The following KIRREL3 variants were observed in gnomAD, a reference collection of about 807,000 sequenced individuals.
KIRREL3 encodes kin of IRRE-like protein 3.
Under a neutral mutation model 89.7 loss-of-function variants are expected in KIRREL3, and 36 were observed. That is an observed-to-expected ratio of 0.40 (90% CI 0.31 to 0.53). KIRREL3 has a LOEUF of 0.53. Ranked by LOEUF, KIRREL3 falls within the 20% of genes least tolerant of loss-of-function variation. KIRREL3 has a pLI of 0.49. For missense variants in KIRREL3, 864 were observed against 1,056.6 expected, an observed-to-expected ratio of 0.82 and a Z score of 2.53; for synonymous variants, 445 against 441.4, an observed-to-expected ratio of 1.01 and a Z score of -0.10.
At chr11:126,654,356 T>TC (rs1555169724) in intron 1 of KIRREL3, among the ~76,000 whole-genome samples, 109 of 142,086 alleles carry the variant, frequency 7.7e-4, no homozygotes, top group African/African-American at 2.0e-3. Flanking sequence ...TTTTTTTTTT[T>TC]CACAGCATAT....
chr11:126,852,222 G>A (rs1944367143), intron 1 of KIRREL3, among the ~76,000 whole-genome samples: 1 of 151,800 alleles, frequency 6.6e-6, no homozygotes, highest in South Asian at 2.1e-4. Flanking sequence ...CCCAGCTAAT[G>A]TTTGTATTTT....
rs1221331307 is a variant in KIRREL3 at position 126,476,484 on chromosome 11, G to A, written c.434-3018C>T. Among the ~76,000 whole-genome samples the A allele has an allele frequency of 6.6e-6, 1 of 152,250 alleles. No individual in the cohort carries two copies. Among genetic ancestry groups the A allele is most frequent in the East Asian group, 1.9e-4 (1 of 5,198 alleles). On this transcript the variant is annotated intron_variant, in intron 4 of 16. Transcript: ENST00000525144. This position sits in a 1 kb window ranked among gnomAD's most constrained non-coding sequence, Gnocchi z 6.4. ...ATTAGAGGCAGCGAGGACGAGGGAG[G>A]AGGGAGTGGGGCGTGTTGTGGGAGT...
chr11:126,445,232 A>C, intron 9 of KIRREL3, 127 bp from the exon 10 acceptor site: 5 of 1,268,208 alleles, frequency 3.9e-6, no homozygotes, highest in Non-Finnish European at 5.4e-6. Flanking sequence ...AGTAGGAAGC[A>C]AGGTGGGGAG....
intron 10 of KIRREL3, among the ~76,000 whole-genome samples, chr11:126,444,379 T>A (rs1955706917): frequency 6.6e-6 from 1 of 152,164 alleles, no homozygotes; most frequent in African/African-American, 2.4e-5. Flanking sequence ...ACGCCTATAA[T>A]CCCAGCACTT....
At chr11:126,439,853 C>A (rs570061806) in intron 11 of KIRREL3, among the ~76,000 whole-genome samples, 6,999 of 151,446 alleles carry the variant, frequency 0.046, 273 homozygotes, top group East Asian at 0.23. Context: ...CCAAAAAACA[C>A]ACAAACAAAA....
At position 126,904,193 on chromosome 11, in the gene KIRREL3, G is replaced by A. The variant is rs904855496; in HGVS notation, c.55+96262C>T. Reference sequence around the variant, plus strand: ...AGCCTCTTTTTAACACACAGGTAAAGTTTTCAGGACTATTTTTATCATTTG... The same window carrying A: ...AGCCTCTTTTTAACACACAGGTAAAATTTTCAGGACTATTTTTATCATTTG... On this transcript the variant is annotated intron_variant, in intron 1 of 16. Transcript: ENST00000525144. The surrounding 1 kb of genome is among the most constrained non-coding windows in gnomAD (Gnocchi z 4.4). Among the ~76,000 whole-genome samples the A allele has an allele frequency of 6.6e-6, 1 of 152,176 alleles. No homozygotes were observed. The highest frequency in any genetic ancestry group is 2.1e-4 in the South Asian group (1 of 4,836).
chr11:126,870,641 G>A lies in KIRREL3; in HGVS notation c.55+129814C>T, dbSNP rs148945474. ...ACAGACAGAAGCTCCCTCCAACCTCGTTTCCAATTCCACTCATGGCCGCCA... is the reference window on the plus strand; with the variant it reads ...ACAGACAGAAGCTCCCTCCAACCTCATTTCCAATTCCACTCATGGCCGCCA... On this transcript the variant is annotated intron_variant, in intron 1 of 16. Transcript: ENST00000525144. This position sits in a 1 kb window ranked among gnomAD's most constrained non-coding sequence, Gnocchi z 4.4. Among the ~76,000 whole-genome samples the A allele has an allele frequency of 3.9e-5, 6 of 152,276 alleles. No individual in the cohort carries two copies. Among genetic ancestry groups the A allele is most frequent in the East Asian group, 3.9e-4 (2 of 5,172 alleles).
rs138885256 is a variant in KIRREL3, at chr11:126,430,899, C to T, written c.1696+520G>A. Reference sequence around the variant, plus strand: ...CGGTGCACGCAATTCTTCAAGCGTGCACAAACACTAGAATTTTATTGGTAA... The same window carrying T: ...CGGTGCACGCAATTCTTCAAGCGTGTACAAACACTAGAATTTTATTGGTAA... On this transcript the variant is annotated intron_variant, in intron 14 of 16. Transcript: ENST00000525144. This position sits in a 1 kb window ranked among gnomAD's most constrained non-coding sequence, Gnocchi z 6.6. The T allele has an allele frequency of 1.2e-4, 107 of 882,132 alleles. 1 individual carries two copies. Among genetic ancestry groups the T allele is most frequent in the Middle Eastern group, 1.1e-3 (2 of 1,760 alleles). 54.6% of individuals were successfully genotyped at this position (882,132 alleles called of 1,614,324 possible). A position where few individuals can be genotyped will look rare whatever the true frequency, so the allele number is the denominator to read the frequency against.
At chr11:126,721,043 C>T (rs1948152109) in intron 1 of KIRREL3, among the ~76,000 whole-genome samples, 2 of 152,132 alleles carry the variant, frequency 1.3e-5, no homozygotes, top group Non-Finnish European at 2.9e-5. Context: ...GGGAGGGAGC[C>T]CTGAAATGAG....
intron 1 of KIRREL3, among the ~76,000 whole-genome samples, chr11:126,781,475 T>A (rs1483308534): frequency 1.3e-5 from 2 of 152,248 alleles, no homozygotes; most frequent in African/African-American, 4.8e-5. Flanking sequence ...AATCATACTG[T>A]GTATACAATT....
At chr11:126,716,524 C>T (rs926595536) in intron 1 of KIRREL3, among the ~76,000 whole-genome samples, 1 of 152,040 alleles carries the variant, frequency 6.6e-6, no homozygotes, top group African/African-American at 2.4e-5. Context: ...CCCAGGGAAA[C>T]AGGAAGGGAC....
chr11:126,885,934 T>A (rs530983115), intron 1 of KIRREL3, among the ~76,000 whole-genome samples: 1 of 152,364 alleles, frequency 6.6e-6, no homozygotes, highest in Non-Finnish European at 1.5e-5. Context: ...ATATTGAACC[T>A]AATCAGTAAA....
At chr11:126,507,718 C>A (rs535006801) in intron 4 of KIRREL3, among the ~76,000 whole-genome samples, 1 of 152,312 alleles carries the variant, frequency 6.6e-6, no homozygotes, top group African/African-American at 2.4e-5. Context: ...CTAAAATTAT[C>A]TAATCAAAGG....
At position 126,562,249 on chromosome 11, in the gene KIRREL3, C is replaced by T. The variant is rs564467055; in HGVS notation, c.133+586G>A. Reference sequence around the variant, plus strand: ...CCCAGCCTCTATGCCAATGTCAACACGTTTCTCAAGCCTTCAGTGACCCAA... The same window carrying T: ...CCCAGCCTCTATGCCAATGTCAACATGTTTCTCAAGCCTTCAGTGACCCAA... On this transcript the variant is annotated intron_variant, in intron 2 of 16. Transcript: ENST00000525144. The surrounding 1 kb of genome is among the most constrained non-coding windows in gnomAD (Gnocchi z 4.7). Among the ~76,000 whole-genome samples the T allele has an allele frequency of 4.6e-5, 7 of 152,194 alleles. No homozygotes were observed. Among genetic ancestry groups the T allele is most frequent in the South Asian group, 2.1e-4 (1 of 4,818 alleles).
Position 126,491,195 on chromosome 11 carries a change from C to A in KIRREL3, c.434-17729G>T, listed in dbSNP as rs189109090. On this transcript the variant is annotated intron_variant, in intron 4 of 16. Transcript: ENST00000525144. This position sits in a 1 kb window ranked among gnomAD's most constrained non-coding sequence, Gnocchi z 5.5. ...GCACCTCCCCGGGCGTCAGCGTCTGCATCTGAAAGTGGGCATGGCGGTGAA... is the reference window on the plus strand; with the variant it reads ...GCACCTCCCCGGGCGTCAGCGTCTGAATCTGAAAGTGGGCATGGCGGTGAA... 4.4e-3 allele frequency among the ~76,000 whole-genome samples: 667 copies of A among 152,304 alleles called. 10 individuals are homozygous for A. Among genetic ancestry groups the A allele is most frequent in the Non-Finnish European group, 4.4e-3 (296 of 68,030 alleles).
At chr11:126,925,107 G>C (rs934743692) in intron 1 of KIRREL3, among the ~76,000 whole-genome samples, 4 of 148,098 alleles carry the variant, frequency 2.7e-5, no homozygotes, top group Admixed American at 6.7e-5. Flanking sequence ...CGGGGGGGGG[G>C]GGGGGCTGTT....
rs564234943 is a variant in KIRREL3 at position 126,745,018 on chromosome 11, T to A, written c.56-182106A>T. Among the ~76,000 whole-genome samples the A allele has an allele frequency of 2.0e-5, 3 of 152,312 alleles. No homozygotes were observed. In the South Asian group the frequency reaches 6.2e-4, roughly 32 times the overall value. On this transcript the variant is annotated intron_variant, in intron 1 of 16. Transcript: ENST00000525144. Reference sequence around the variant, plus strand: ...CCACTGGGTAGTTGCATATTCTGGTTAGAGGTCCAGTTTCAAGAGGGAGAC... The same window carrying A: ...CCACTGGGTAGTTGCATATTCTGGTAAGAGGTCCAGTTTCAAGAGGGAGAC...
At position 126,748,326 on chromosome 11, in the gene KIRREL3, A is replaced by G. The variant is rs952851511; in HGVS notation, c.56-185414T>C. On this transcript the variant is annotated intron_variant, in intron 1 of 16. Transcript: ENST00000525144. The surrounding 1 kb of genome is among the most constrained non-coding windows in gnomAD (Gnocchi z 4.6). ...GCCCCAGGAAACTGTGACAGCAATA[A>G]AAGAACTAAATGTTTTCTAGGTCAC... 4.6e-5 allele frequency among the ~76,000 whole-genome samples: 7 copies of G among 152,220 alleles called. No homozygotes were observed. The highest frequency in any genetic ancestry group is 3.2e-3 in the Middle Eastern group (1 of 316).
chr11:126,642,535 C>T lies in KIRREL3; in HGVS notation c.56-79623G>A, dbSNP rs1944510724. On this transcript the variant is annotated intron_variant, in intron 1 of 16. Coordinates refer to ENST00000525144, the MANE Select transcript of KIRREL3 (RefSeq NM_032531.4). This position sits in a 1 kb window ranked among gnomAD's most constrained non-coding sequence, Gnocchi z 4.9. ...TCCCCTTTCCTCTGCCTTTTCCAAG[C>T]AAACTCTTACTCTAGGAAATACATG... Among the ~76,000 whole-genome samples the T allele has an allele frequency of 6.6e-6, 1 of 152,210 alleles. No individual in the cohort carries two copies. Among genetic ancestry groups the T allele is most frequent in the African/African-American group, 2.4e-5 (1 of 41,452 alleles).
Sources: allele counts gnomAD v4.1 joint callset (sites outside exome capture counted in the v4.1 genomes callset), GRCh38; gene constraint gnomAD v4.1.1; non-coding constraint Gnocchi (gnomAD v3.1); transcripts MANE v1.5; gene names NCBI Gene and HGNC (gene_info 2026-07-23, HGNC 2026-07-21).